Variants in CLSTN2 observed in about 807,000 individuals in gnomAD.
The protein encoded by CLSTN2 is calsyntenin 2, also known as calsyntenin-2.
A neutral mutation model predicts 101.2 loss-of-function variants in CLSTN2; 48 were observed. The ratio of observed to expected loss-of-function variants is 0.47; its 90% CI spans 0.38 to 0.60. The LOEUF (loss-of-function observed/expected upper bound fraction) is 0.60, where lower values mean the gene tolerates loss of function less well. Ranked by LOEUF, CLSTN2 falls within the 20% of genes least tolerant of loss-of-function variation. The pLI is 0.00. For synonymous variants in CLSTN2, 481 were observed against 463.6 expected (o/e 1.04, Z -0.48); for missense variants, 1,160 against 1,238.2 (o/e 0.94, Z 0.95).
chr3:140,521,768 G>A (rs2107773935), intron 8 of CLSTN2, among the ~76,000 whole-genome samples: 1 of 152,332 alleles, frequency 6.6e-6, no homozygotes, highest in East Asian at 1.9e-4. Flanking sequence ...TCTCTCCCCA[G>A]GAACTTGGTC....
At chr3:140,331,631 C>T (rs1042518487) in intron 2 of CLSTN2, among the ~76,000 whole-genome samples, 1 of 152,180 alleles carries the variant, frequency 6.6e-6, no homozygotes, top group Admixed American at 6.5e-5. Context: ...CACACAAAGG[C>T]ATTTTATAGG....
At chr3:140,138,002 C>T (rs773981627) in intron 1 of CLSTN2, among the ~76,000 whole-genome samples, 4 of 152,124 alleles carry the variant, frequency 2.6e-5, no homozygotes, top group East Asian at 1.9e-4. Context: ...CAGAACCATA[C>T]GACATACACA....
At chr3:140,176,889 T>C (rs1014588511) in intron 2 of CLSTN2, among the ~76,000 whole-genome samples, 6 of 152,376 alleles carry the variant, frequency 3.9e-5, no homozygotes, top group Admixed American at 6.5e-5. Flanking sequence ...TTATGATAGA[T>C]GGGTGCCAGG....
At chr3:140,159,390 T>A (rs756519121) in intron 1 of CLSTN2, among the ~76,000 whole-genome samples, 1 of 152,044 alleles carries the variant, frequency 6.6e-6, no homozygotes, top group Non-Finnish European at 1.5e-5. Context: ...CAAAAGAAGA[T>A]ATACAAGCAA....
intron 1 of CLSTN2, among the ~76,000 whole-genome samples, chr3:139,975,174 A>G (rs1334295768): frequency 6.6e-6 from 1 of 152,200 alleles, no homozygotes; most frequent in African/African-American, 2.4e-5. Context: ...TAAGAGCTGT[A>G]GCTTCCTAGA....
intron 2 of CLSTN2, among the ~76,000 whole-genome samples, chr3:140,195,143 A>G (rs1340023149): frequency 6.6e-6 from 1 of 152,134 alleles, no homozygotes; most frequent in African/African-American, 2.4e-5. Flanking sequence ...CCTGGGTAGG[A>G]GTGAGGCCAC....
At chr3:140,366,812 T>TC (rs1214763476) in intron 2 of CLSTN2, among the ~76,000 whole-genome samples, 1 of 152,208 alleles carries the variant, frequency 6.6e-6, no homozygotes, top group Non-Finnish European at 1.5e-5. Context: ...TTTGGATTTT[T>TC]CCCTTGTAGC....
At chr3:140,552,351 G>T (rs1250531970) in intron 10 of CLSTN2, among the ~76,000 whole-genome samples, 1 of 149,930 alleles carries the variant, frequency 6.7e-6, no homozygotes, top group East Asian at 2.0e-4. Flanking sequence ...GTACAAACAG[G>T]TATCTTGTTT....
rs1431406550 is a variant in CLSTN2, at chr3:140,226,053, C to T, written c.232+49980C>T. Reference sequence around the variant, plus strand: ...CCTTGGAAAACACCTTGGGAATTAACTGTTGATATATACAACCACCTGGGT... The same window carrying T: ...CCTTGGAAAACACCTTGGGAATTAATTGTTGATATATACAACCACCTGGGT... On this transcript the variant is annotated intron_variant, in intron 2 of 16. Coordinates refer to ENST00000458420, the MANE Select transcript of CLSTN2 (RefSeq NM_022131.3). 1.3e-5 allele frequency among the ~76,000 whole-genome samples: 2 copies of T among 152,190 alleles called. 1 individual carries two copies. The highest frequency in any genetic ancestry group is 2.9e-5 in the Non-Finnish European group (2 of 68,036).
chr3:140,368,185 G>A (rs1372929724), intron 2 of CLSTN2, among the ~76,000 whole-genome samples: 1 of 152,166 alleles, frequency 6.6e-6, no homozygotes, highest in African/African-American at 2.4e-5. Flanking sequence ...CCCAGATGAG[G>A]TGGCCCGGCT....
At chr3:140,264,460 A>G (rs1284225996) in intron 2 of CLSTN2, among the ~76,000 whole-genome samples, 1 of 141,522 alleles carries the variant, frequency 7.1e-6, no homozygotes, top group African/African-American at 2.6e-5. Flanking sequence ...GAACACACAT[A>G]ATGCAACAGT....
rs896556645 is a variant in CLSTN2, at chr3:140,075,916, TA to T, written c.110-100023del. On this transcript the variant is annotated intron_variant, in intron 1 of 16. Transcript: ENST00000458420. ...TCTGCAGTTCCTATCTTGTGCTCCT[TA>T]AAAAAAAAAAATTGTAGTAAGAACA... Among the ~76,000 whole-genome samples, 456 of 146,358 alleles carry T rather than the reference TA, an allele frequency of 3.1e-3. 1 individual carries two copies. Among genetic ancestry groups the T allele is most frequent in the Middle Eastern group, 0.014 (4 of 280 alleles).
chr3:140,432,118 A>T (rs893527453), intron 5 of CLSTN2, among the ~76,000 whole-genome samples: 5 of 152,144 alleles, frequency 3.3e-5, no homozygotes, highest in Non-Finnish European at 7.4e-5. Context: ...AAAGGGAGAC[A>T]GTGGGGTGCG....
intron 9 of CLSTN2, among the ~76,000 whole-genome samples, chr3:140,536,284 C>G (rs1935358135): frequency 6.6e-6 from 1 of 152,040 alleles, no homozygotes. Flanking sequence ...CTAGGCACAT[C>G]TAGTGTGCTT....
At chr3:139,941,709 T>G (rs1388385269) in intron 1 of CLSTN2, among the ~76,000 whole-genome samples, 2 of 152,156 alleles carry the variant, frequency 1.3e-5, no homozygotes, top group Non-Finnish European at 2.9e-5. Flanking sequence ...GGCAGGGGTT[T>G]GCACTGGACA....
At chr3:140,422,092 A>G (rs1182070824) in intron 5 of CLSTN2, among the ~76,000 whole-genome samples, 3 of 152,050 alleles carry the variant, frequency 2.0e-5, no homozygotes, top group Non-Finnish European at 4.4e-5. Context: ...TTGCTTACTC[A>G]TAACTCATAA....
chr3:140,241,906 T>C (rs10935376), intron 2 of CLSTN2, among the ~76,000 whole-genome samples: 131,415 of 137,100 alleles, frequency 0.96, 63,119 homozygotes, highest in East Asian at 1. Flanking sequence ...CACACACACA[T>C]ATATATATAT....
intron 2 of CLSTN2, among the ~76,000 whole-genome samples, chr3:140,378,697 G>A (rs181877001): frequency 2.0e-5 from 3 of 152,334 alleles, no homozygotes; most frequent in Non-Finnish European, 4.4e-5. Flanking sequence ...TACTCAGAAA[G>A]AGCATGGGCA....
chr3:140,213,896 G>C (rs1214533050), intron 2 of CLSTN2, among the ~76,000 whole-genome samples: 1 of 152,156 alleles, frequency 6.6e-6, no homozygotes. Flanking sequence ...TGAAGTAGAA[G>C]AGGATTTGCT....
Sources: allele counts gnomAD v4.1 joint callset (sites outside exome capture counted in the v4.1 genomes callset), GRCh38; gene constraint gnomAD v4.1.1; transcripts MANE v1.5; gene names NCBI Gene and HGNC (gene_info 2026-07-23, HGNC 2026-07-21).